DLEC1: variants seen among roughly 807,000 people sequenced by gnomAD.
DLEC1 encodes the protein deleted in lung and esophageal cancer protein 1.
A neutral mutation model predicts 198.1 loss-of-function variants in DLEC1; 146 were observed. That is an observed-to-expected ratio of 0.74 (90% confidence interval 0.64 to 0.85). DLEC1 has a LOEUF of 0.85. Ranked by LOEUF, DLEC1 falls within the 40% of genes least tolerant of loss-of-function variation. The pLI is 0.00. For missense variants in DLEC1, 2,233 were observed against 2,220.0 expected (o/e 1.01, Z -0.12); for synonymous variants, 897 against 866.8 (o/e 1.03, Z -0.61).
In DLEC1 at chr3:38,122,935, GCCACCA is replaced by G. The variant is rs1416133051; in HGVS notation, c.*530_*535del. On this transcript the variant is annotated 3_prime_UTR_variant, in exon 37 of 37. Coordinates refer to ENST00000308059, the MANE Select transcript of DLEC1 (RefSeq NM_007335.4). ...GTTGAAGTGCCTTGATCTGTCCACT[GCCACCA>G]CCACCAGTGCTGAGTTTTCCCATGT... 7.2e-6 allele frequency: 8 copies of G among 1,107,196 alleles called. No homozygotes were observed. The highest frequency in any genetic ancestry group is 2.4e-5 in the East Asian group (1 of 41,934). The allele number at this position is 1,107,196 out of a possible 1,614,324, so 68.6% of individuals were successfully genotyped here. A position where few individuals can be genotyped will look rare whatever the true frequency, so the allele number is the denominator to read the frequency against.
In DLEC1 at chr3:38,045,455, G is replaced by A. The variant is rs367791302; in HGVS notation, c.412-88G>A. The A allele has an allele frequency of 5.4e-6, 8 of 1,486,474 alleles. No homozygotes were observed. The East Asian group carries it at 1.7e-4, about 31-fold the overall frequency. 92.1% of individuals were successfully genotyped at this position (1,486,474 alleles called of 1,614,324 possible). On this transcript the variant is annotated intron_variant, in intron 1 of 36. Coordinates refer to ENST00000308059, the MANE Select transcript of DLEC1 (RefSeq NM_007335.4). ...CTGACTATTCTATGCTTCACTGGAA[G>A]CCCTGATCCTGGGGTAGGGCTGAGT...
At position 38,109,436 on chromosome 3, in the gene DLEC1, A is replaced by G. The variant is rs1395191509; in HGVS notation, c.3134A>G (p.Glu1045Gly). Reference protein sequence around the residue: ...KLELTAHTQEELTHLALPCHV... With the variant: ...KLELTAHTQEGLTHLALPCHV... ...CCTGGATGGGCTTTCTTATAGGAAGAGCTGACCCATCTGGCCCTCCCTTGT... is the reference window on the plus strand; with the variant it reads ...CCTGGATGGGCTTTCTTATAGGAAGGGCTGACCCATCTGGCCCTCCCTTGT... The change falls in exon 22 of 37, where the codon GAG becomes GGG. Residue 1045 changes from glutamate to glycine, a missense_variant. Glu to Gly is a moderately conservative substitution (Grantham distance 98, BLOSUM62 -2). Coordinates refer to ENST00000308059, the MANE Select transcript of DLEC1 (RefSeq NM_007335.4). The G allele has an allele frequency of 6.2e-7, 1 of 1,614,152 alleles. No individual in the cohort carries two copies. Among genetic ancestry groups the G allele is most frequent in the South Asian group, 1.1e-5 (1 of 91,090 alleles).
intron 11 of DLEC1, 126 bp from the exon 12 acceptor site, chr3:38,093,479 T>C (rs1698846156): frequency 9.0e-7 from 1 of 1,108,924 alleles, no homozygotes; most frequent in Admixed American, 2.0e-5. Flanking sequence ...TTCCCTCCAG[T>C]GTGAGCTTGC....
Position 38,039,367 on chromosome 3 carries a change from T to C in DLEC1, c.142T>C (p.Ser48Pro), listed in dbSNP as rs189349400. ...QPTWKSSLYS[S>P]LAYSEAFHYS... is the part of the protein sequence containing the mutation. The stretch of plus-strand genomic sequence containing the variant: ...CACCTGGAAGTCCTCCTTGTATTCC[T>C]CCCTCGCCTACTCTGAGGCCTTCCA... The change falls in exon 1 of 37, where the codon TCC becomes CCC. Residue 48 changes from serine to proline, a missense_variant. Transcript: ENST00000308059. 508 of 1,614,200 alleles carry C rather than the reference T, an allele frequency of 3.1e-4. 11 individuals carry two copies. In the East Asian group the frequency reaches 9.2e-3, roughly 29 times the overall value.
intron 6 of DLEC1, among the ~76,000 whole-genome samples, chr3:38,074,309 G>T (rs950086976): frequency 4.6e-5 from 7 of 152,218 alleles, no homozygotes; most frequent in Admixed American, 1.3e-4. Context: ...AGGTGAGGTT[G>T]ATTAATTCCT....
intron 2 of DLEC1, among the ~76,000 whole-genome samples, chr3:38,047,863 G>A (rs1700950154): frequency 6.6e-6 from 1 of 152,084 alleles, no homozygotes; most frequent in African/African-American, 2.4e-5. Flanking sequence ...TTATTTGTCA[G>A]CTGAACTACT....
rs1420896661 is a variant in DLEC1 at position 38,094,930 on chromosome 3, C to A, written c.1971C>A (p.Pro657=). ...AGATCATGAAGCCCAACCTGCAGCC[C>A]CTCATGCCTGGAGAAACCTTCAGCA... The part of the protein sequence containing the change: ...YWQIMKPNLQ[P]LMPGETFSMD... The change falls in exon 13 of 37, where the codon CCC becomes CCA. Residue 657 remains proline (P), a synonymous_variant. Coordinates refer to ENST00000308059, the MANE Select transcript of DLEC1 (RefSeq NM_007335.4). 2 of 1,614,088 alleles carry A rather than the reference C, an allele frequency of 1.2e-6. No homozygotes were observed. Among genetic ancestry groups the A allele is most frequent in the African/African-American group, 2.7e-5 (2 of 74,942 alleles).
At chr3:38,094,672 A>G (rs996823755) in intron 12 of DLEC1, among the ~76,000 whole-genome samples, 2 of 152,080 alleles carry the variant, frequency 1.3e-5, no homozygotes, top group African/African-American at 4.8e-5. Context: ...GCTCTCTTAC[A>G]TAGTCTCTGT....
chr3:38,078,820 T>G, intron 6 of DLEC1, among the ~76,000 whole-genome samples: 1 of 152,076 alleles, frequency 6.6e-6, no homozygotes, highest in Middle Eastern at 3.2e-3. Context: ...AGTATATGGG[T>G]TTGACACCAT....
chr3:38,089,377 G>T (rs1339277307), intron 10 of DLEC1, among the ~76,000 whole-genome samples: 4 of 152,214 alleles, frequency 2.6e-5, no homozygotes, highest in African/African-American at 9.6e-5. Flanking sequence ...CAGCGACTCT[G>T]CCATGCTGTC....
chr3:38,046,733 A>C (rs1700902907), intron 2 of DLEC1, among the ~76,000 whole-genome samples: 1 of 152,142 alleles, frequency 6.6e-6, no homozygotes, highest in Non-Finnish European at 1.5e-5. Context: ...TGATTCAGAC[A>C]ACTTTTACAT....
At chr3:38,117,131 C>A (rs749416879) in intron 30 of DLEC1, 31 bp downstream of exon 30, 10 of 1,613,924 alleles carry the variant, frequency 6.2e-6, no homozygotes, top group Non-Finnish European at 8.5e-6. Context: ...GTGGGGGCCG[C>A]AGCCACTGCT....
intron 6 of DLEC1, among the ~76,000 whole-genome samples, chr3:38,070,247 C>CA (rs1054340163): frequency 6.6e-6 from 1 of 152,182 alleles, no homozygotes; most frequent in African/African-American, 2.4e-5. Flanking sequence ...GGTGCCATAA[C>CA]ACTCTTTGTG....
intron 2 of DLEC1, chr3:38,051,852 A>T (rs1701135248): frequency 6.5e-6 from 1 of 153,548 alleles, no homozygotes; most frequent in Non-Finnish European, 1.5e-5. Flanking sequence ...CGGATGAGAT[A>T]AAAGAGCAGA....
intron 6 of DLEC1, among the ~76,000 whole-genome samples, chr3:38,069,769 A>G (rs936710177): frequency 6.6e-6 from 1 of 152,176 alleles, no homozygotes; most frequent in Non-Finnish European, 1.5e-5. Flanking sequence ...AATTGTGACA[A>G]TACCATCCCA....
In DLEC1 at chr3:38,122,695, A is replaced by G. The variant is rs912199068; in HGVS notation, c.*283A>G. The G allele has an allele frequency of 2.1e-6, 3 of 1,403,208 alleles. No individual in the cohort carries two copies. Among genetic ancestry groups the G allele is most frequent in the Non-Finnish European group, 2.8e-6 (3 of 1,075,862 alleles). 86.9% of individuals were successfully genotyped at this position (1,403,208 alleles called of 1,614,324 possible). On this transcript the variant is annotated 3_prime_UTR_variant, in exon 37 of 37. Coordinates refer to ENST00000308059, the MANE Select transcript of DLEC1 (RefSeq NM_007335.4). The stretch of plus-strand genomic sequence containing the variant: ...CAGTATGGCAAAATTAGTCTTGGAA[A>G]AAAACCACAGCCACTAAGATAAATT...
chr3:38,070,820 C>G (rs545955421), intron 6 of DLEC1, among the ~76,000 whole-genome samples: 21 of 152,206 alleles, frequency 1.4e-4, no homozygotes, highest in Non-Finnish European at 2.4e-4. Flanking sequence ...TCAGTTAAGG[C>G]GGGGCAGGGC....
Position 38,084,238 on chromosome 3 carries a change from G to T in DLEC1, c.1254G>T (p.Leu418=). ...CGCCTTCCACGCCATACTTCGCTCTGGGACTGGGTAAGTTCAGTATTTGTA... is the reference window on the plus strand; with the variant it reads ...CGCCTTCCACGCCATACTTCGCTCTTGGACTGGGTAAGTTCAGTATTTGTA... ...VLPPSTPYFA[L]GLGMFPGKGG... The change falls in exon 7 of 37, where the codon CTG becomes CTT. Residue 418 remains leucine (L), a synonymous_variant. Transcript: ENST00000308059. 6.2e-7 allele frequency: 1 copy of T among 1,612,098 alleles called. No individual in the cohort carries two copies. The highest frequency in any genetic ancestry group is 1.1e-5 in the South Asian group (1 of 91,046).
intron 6 of DLEC1, among the ~76,000 whole-genome samples, chr3:38,080,770 G>A (rs938050229): frequency 4.0e-5 from 6 of 150,152 alleles, no homozygotes; most frequent in African/African-American, 7.3e-5. Flanking sequence ...AGAAGAGAGC[G>A]TAGAGACACG....
Sources: gnomAD v4.1 joint callset for allele counts (sites outside exome capture counted in the v4.1 genomes callset) on GRCh38, gnomAD v4.1.1 for gene constraint, MANE v1.5 for transcripts, NCBI Gene and HGNC (gene_info 2026-07-23, HGNC 2026-07-21) for gene names.